SCN9A: variants seen among roughly 807,000 people sequenced by gnomAD.
SCN9A encodes the protein sodium voltage-gated channel alpha subunit 9, also known as sodium channel protein type 9 subunit alpha.
Under a neutral mutation model 187.0 loss-of-function variants are expected in SCN9A, and 131 were observed. The observed-to-expected ratio is 0.70, with a 90% CI of 0.61 to 0.81. The LOEUF (loss-of-function observed/expected upper bound fraction) is 0.81. Ranked by LOEUF, SCN9A falls within the 30% of genes least tolerant of loss-of-function variation. The pLI is 0.00. For missense variants in SCN9A, 2,252 were observed against 2,396.6 expected (o/e 0.94, Z 1.26); for synonymous variants, 809 against 808.6 (o/e 1.00, Z -0.01).
intron 1 of SCN9A, among the ~76,000 whole-genome samples, chr2:166,352,634 C>T (rs1700058120): frequency 6.6e-6 from 1 of 152,132 alleles, no homozygotes; most frequent in African/African-American, 2.4e-5. Context: ...ATGTTTTCTC[C>T]AATGGGTTAA....
chr2:166,268,818 A>T (rs1462202464), intron 17 of SCN9A, among the ~76,000 whole-genome samples: 1 of 151,878 alleles, frequency 6.6e-6, no homozygotes, highest in Non-Finnish European at 1.5e-5. Flanking sequence ...GAGATACGTC[A>T]TGGAAAATTT....
At chr2:166,370,051 T>C (rs1432886266) in intron 1 of SCN9A, among the ~76,000 whole-genome samples, 1 of 151,986 alleles carries the variant, frequency 6.6e-6, no homozygotes, top group African/African-American at 2.4e-5. Context: ...TACATTTACT[T>C]CTTTTTTCAA....
rs567213264 is a variant in SCN9A, at chr2:166,223,088, G to A, written c.4398+3479C>T. Among the ~76,000 whole-genome samples, 117 of 151,706 alleles carry A rather than the reference G, an allele frequency of 7.7e-4. 1 individual carries two copies. The highest frequency in any genetic ancestry group is 3.0e-3 in the Admixed American group (46 of 15,236). On this transcript the variant is annotated intron_variant, in intron 24 of 26. Coordinates refer to ENST00000642356, the MANE Select transcript of SCN9A (RefSeq NM_001365536.1). ...TAATAGGTGTTGGCAAGGATATGGA[G>A]AAATTAGAACCTTTGTACATTGTTG...
chr2:166,321,835 T>A (rs1450364358), intron 1 of SCN9A, among the ~76,000 whole-genome samples: 2 of 151,080 alleles, frequency 1.3e-5, no homozygotes, highest in South Asian at 4.2e-4. Flanking sequence ...TCTCTCCAAG[T>A]TCTTTTGAGG....
chr2:166,214,193 T>C (rs1270719293), intron 24 of SCN9A, among the ~76,000 whole-genome samples: 1 of 152,124 alleles, frequency 6.6e-6, no homozygotes, highest in Non-Finnish European at 1.5e-5. Flanking sequence ...TAGATCACCA[T>C]GCTTGAGGAA....
At chr2:166,233,096 CATATATGCATACTATATATAGT>C (rs1341367765) in intron 21 of SCN9A, among the ~76,000 whole-genome samples, 3 of 144,358 alleles carry the variant, frequency 2.1e-5, no homozygotes, top group Admixed American at 1.4e-4. Context: ...ATATATATAC[CATATATGCATACTATATATAGT>C]ATATATGCAT....
intron 2 of SCN9A, among the ~76,000 whole-genome samples, chr2:166,311,163 G>A (rs1304662594): frequency 8.1e-6 from 1 of 124,188 alleles, no homozygotes; most frequent in African/African-American, 3.4e-5. Flanking sequence ...CCAGTTAGTG[G>A]GTGCAGCGCA....
At position 166,306,460 on chromosome 2, in the gene SCN9A, A is replaced by G. The variant is rs1208914765; in HGVS notation, c.467+50T>C. ...AACTTCCTGGCAGGAAAAGGAAAGG[A>G]TGAAATGATAATACCAAAACTATAT... On this transcript the variant is annotated intron_variant, in intron 4 of 26. Transcript: ENST00000642356. 5.8e-6 allele frequency: 6 copies of G among 1,029,970 alleles called. No individual in the cohort carries two copies. In the Admixed American group the frequency reaches 1.2e-4, roughly 20 times the overall value. The allele number at this position is 1,029,970 out of a possible 1,614,324, so 63.8% of individuals were successfully genotyped here. A position where few individuals can be genotyped will look rare whatever the true frequency, so the allele number is the denominator to read the frequency against.
intron 1 of SCN9A, among the ~76,000 whole-genome samples, chr2:166,372,047 C>A (rs987629212): frequency 1.3e-5 from 2 of 151,382 alleles, no homozygotes; most frequent in African/African-American, 2.4e-5. Context: ...GCATAGTCTG[C>A]AAAAATAAAG....
At chr2:166,307,796 A>C (rs1427744313) in intron 2 of SCN9A, among the ~76,000 whole-genome samples, 1 of 152,258 alleles carries the variant, frequency 6.6e-6, no homozygotes, top group Non-Finnish European at 1.5e-5. Flanking sequence ...GTTAAGAAAT[A>C]AAAACAACCA....
At chr2:166,212,538 A>T in intron 24 of SCN9A, among the ~76,000 whole-genome samples, 1 of 152,218 alleles carries the variant, frequency 6.6e-6, no homozygotes, top group East Asian at 1.9e-4. Context: ...ACACCATAAC[A>T]GTAGGATACA....
At chr2:166,301,684 G>A (rs1434500307) in intron 7 of SCN9A, 1 of 150,776 alleles carries the variant, frequency 6.6e-6, no homozygotes, top group East Asian at 1.9e-4. Flanking sequence ...GTTTAAATAA[G>A]TGTGGTAAAA....
Position 166,288,572 on chromosome 2 carries a change from T to C in SCN9A, c.1179A>G (p.Leu393=), listed in dbSNP as rs1697894837. The change falls in exon 10 of 27, where the codon CTA becomes CTG. Residue 393 remains leucine, a synonymous_variant. Transcript: ENST00000642356. ...CAACCACAGCCAGGATCAAGTTTATTAGATAAAAGGAGCCCAGGAAAATCA... is the reference window on the plus strand; with the variant it reads ...CAACCACAGCCAGGATCAAGTTTATCAGATAAAAGGAGCCCAGGAAAATCA... ...VVVIFLGSFY[L]INLILAVVAM... is the part of the protein sequence containing the mutation. The C allele has an allele frequency of 1.2e-5, 19 of 1,612,610 alleles. No individual in the cohort carries two copies. The highest frequency in any genetic ancestry group is 1.7e-5 in the Admixed American group (1 of 59,948).
intron 1 of SCN9A, among the ~76,000 whole-genome samples, chr2:166,313,066 A>C (rs1699016264): frequency 1.3e-5 from 2 of 148,712 alleles, no homozygotes; most frequent in Admixed American, 1.3e-4. Context: ...TAATTATTTA[A>C]TTTTCTGAAT....
At chr2:166,284,256 G>A (rs1321009590) in intron 12 of SCN9A, among the ~76,000 whole-genome samples, 197 bp downstream of exon 12, 1 of 152,098 alleles carries the variant, frequency 6.6e-6, no homozygotes, top group Non-Finnish European at 1.5e-5. Context: ...TTACAAAAAT[G>A]GGATTTTATC....
chr2:166,237,031 C>T (rs1190711572), intron 20 of SCN9A, among the ~76,000 whole-genome samples: 2 of 151,880 alleles, frequency 1.3e-5, no homozygotes, highest in Admixed American at 1.3e-4. Context: ...ATGTTTCTTC[C>T]CTAAACACAA....
rs1296618520 is a variant in SCN9A at position 166,197,783 on chromosome 2, T to G, written c.*889A>C. On this transcript the variant is annotated 3_prime_UTR_variant, in exon 27 of 27. Coordinates refer to ENST00000642356, the MANE Select transcript of SCN9A (RefSeq NM_001365536.1). Reference sequence around the variant, plus strand: ...GACAAAAGAGTTTAAGAGACTATTATCAGTATTTTGGGCAGCACAGTCAAA... The same window carrying G: ...GACAAAAGAGTTTAAGAGACTATTAGCAGTATTTTGGGCAGCACAGTCAAA... 6.6e-6 allele frequency: 1 copy of G among 152,188 alleles called. No individual in the cohort carries two copies. Among genetic ancestry groups the G allele is most frequent in the Non-Finnish European group, 1.5e-5 (1 of 68,000 alleles). The allele number at this position is 152,188 out of a possible 1,614,324, so 9.4% of individuals were successfully genotyped here.
intron 24 of SCN9A, among the ~76,000 whole-genome samples, chr2:166,210,266 T>C (rs1304531119): frequency 1.3e-5 from 2 of 150,846 alleles, no homozygotes; most frequent in Non-Finnish European, 3.0e-5. Flanking sequence ...TGAGAACACA[T>C]GGACACAGGA....
At position 166,303,321 on chromosome 2, in the gene SCN9A, A is replaced by G. The variant is rs1698640883; in HGVS notation, c.689-19T>C. On this transcript the variant is annotated intron_variant, in intron 6 of 26. Transcript: ENST00000642356. ...TTCAGGCCTGAAAATGGGAGAAAAA[A>G]GTGTTTGTAATGACATAAAGCCTCT... 1.9e-6 allele frequency: 3 copies of G among 1,600,056 alleles called. No homozygotes were observed. Among genetic ancestry groups the G allele is most frequent in the African/African-American group, 1.3e-5 (1 of 74,544 alleles).
Sources: allele counts gnomAD v4.1 joint callset (sites outside exome capture counted in the v4.1 genomes callset), GRCh38; gene constraint gnomAD v4.1.1; transcripts MANE v1.5; gene names NCBI Gene and HGNC (gene_info 2026-07-23, HGNC 2026-07-21).